The following CSMD1 variants were observed in gnomAD, a reference collection of about 807,000 sequenced individuals.
The protein encoded by CSMD1 is CUB and sushi domain-containing protein 1.
CSMD1 carries 213 observed loss-of-function variants against 417.5 expected under a neutral mutation model. The ratio of observed to expected loss-of-function variants is 0.51; its 90% CI spans 0.46 to 0.57. The LOEUF is 0.57. CSMD1 is among the 20% of genes least tolerant of loss of function. The probability of loss-of-function intolerance (pLI) is 0.00; values close to 1 mark genes in which losing one functional copy is unlikely to be tolerated. For missense variants in CSMD1, 6,923 were observed against 4,529.7 expected (o/e 1.53, Z -15.17); for synonymous variants, 2,862 against 1,736.8 (o/e 1.65, Z -16.11).
Position 3,941,132 on chromosome 8 carries a change from C to T in CSMD1, c.818+56771G>A, listed in dbSNP as rs149203000. On this transcript the variant is annotated intron_variant, in intron 5 of 69. Transcript: ENST00000635120. ...AAAATAAAAATAACTCATATGTATACAGTTAAGAAGAAATAAAAGCACATT... is the reference window on the plus strand; with the variant it reads ...AAAATAAAAATAACTCATATGTATATAGTTAAGAAGAAATAAAAGCACATT... Among the ~76,000 whole-genome samples the T allele has an allele frequency of 3.4e-3, 512 of 151,934 alleles. 2 individuals carry two copies. Among genetic ancestry groups the T allele is most frequent in the Non-Finnish European group, 4.4e-3 (300 of 67,894 alleles).
intron 2 of CSMD1, among the ~76,000 whole-genome samples, chr8:4,624,707 T>C (rs1801995180): frequency 6.6e-6 from 1 of 152,094 alleles, no homozygotes; most frequent in South Asian, 2.1e-4. Context: ...AAGAATGTAT[T>C]TTTCTATGAT....
intron 2 of CSMD1, among the ~76,000 whole-genome samples, chr8:4,566,279 T>A (rs73184937): frequency 1.3e-5 from 2 of 152,080 alleles, no homozygotes; most frequent in Non-Finnish European, 2.9e-5. Flanking sequence ...ATCTAGTAAG[T>A]TATTGACAAA....
At chr8:3,476,263 A>T (rs776540004) in intron 11 of CSMD1, among the ~76,000 whole-genome samples, 4 of 152,162 alleles carry the variant, frequency 2.6e-5, no homozygotes, top group African/African-American at 7.2e-5. Context: ...AACCCACTGA[A>T]ATTCCCATGT....
rs189481018 is a variant in CSMD1 at position 3,599,635 on chromosome 8, G to C, written c.1098-13375C>G. On this transcript the variant is annotated intron_variant, in intron 8 of 69. Coordinates refer to ENST00000635120, the MANE Select transcript of CSMD1 (RefSeq NM_033225.6). ...CTTCATGCTATACATCAGATCCCTA[G>C]GTTTATTCATCCTATGTAACTGCAG... Among the ~76,000 whole-genome samples, 44 of 152,244 alleles carry C rather than the reference G, an allele frequency of 2.9e-4. No individual in the cohort carries two copies. The East Asian group carries it at 5.4e-3, about 19-fold the overall frequency.
chr8:3,212,263 G>A (rs574475897), intron 30 of CSMD1, among the ~76,000 whole-genome samples: 6 of 152,146 alleles, frequency 3.9e-5, no homozygotes, highest in Admixed American at 2.0e-4. Context: ...CCCAAAGCAA[G>A]TAACACAATG....
rs11340375 is a variant in CSMD1, at chr8:4,221,378, G to GA, written c.416-189280dup. Among the ~76,000 whole-genome samples the GA allele has an allele frequency of 7.7e-3, 1,033 of 134,664 alleles. 5 individuals carry two copies. The highest frequency in any genetic ancestry group is 0.012 in the Middle Eastern group (3 of 256). The allele number at this position is 134,664 out of a possible 152,430, so 88.3% of individuals were successfully genotyped here. A position where few individuals can be genotyped will look rare whatever the true frequency, so the allele number is the denominator to read the frequency against. On this transcript the variant is annotated intron_variant, in intron 3 of 69. Coordinates refer to ENST00000635120, the MANE Select transcript of CSMD1 (RefSeq NM_033225.6). ...AAGCCCATCTCTACAAGGAAAGTGAGAAAAAAAAAAAAAAACAACACATTG... is the reference window on the plus strand; with the variant it reads ...AAGCCCATCTCTACAAGGAAAGTGAGAAAAAAAAAAAAAAAACAACACATTG...
chr8:3,439,410 C>A (rs1010623181), intron 12 of CSMD1, among the ~76,000 whole-genome samples: 2 of 142,652 alleles, frequency 1.4e-5, no homozygotes, highest in African/African-American at 2.7e-5. Context: ...AGGTGTTACA[C>A]AGTGTTCTAT....
At chr8:4,451,547 G>T (rs763882111) in intron 2 of CSMD1, among the ~76,000 whole-genome samples, 1 of 152,042 alleles carries the variant, frequency 6.6e-6, no homozygotes, top group East Asian at 1.9e-4. Flanking sequence ...CTCTGGAAAG[G>T]TAAAGGGTGA....
intron 4 of CSMD1, among the ~76,000 whole-genome samples, chr8:4,004,845 C>T (rs1012936666): frequency 3.9e-5 from 6 of 152,084 alleles, no homozygotes; most frequent in African/African-American, 9.6e-5. Context: ...CCCGGGTTCA[C>T]GCCATTCTCC....
At chr8:3,674,071 A>C (rs567294946) in intron 7 of CSMD1, among the ~76,000 whole-genome samples, 75 of 152,208 alleles carry the variant, frequency 4.9e-4, no homozygotes, top group Non-Finnish European at 9.1e-4. Context: ...ATGTCATTGC[A>C]CTCCAGCTTG....
intron 3 of CSMD1, among the ~76,000 whole-genome samples, chr8:4,267,667 C>A (rs1356662787): frequency 1.3e-5 from 2 of 151,998 alleles, no homozygotes; most frequent in Non-Finnish European, 2.9e-5. Context: ...CGTGTTTAGG[C>A]TTTGGCTTCA....
chr8:3,285,967 A>G lies in CSMD1; in HGVS notation c.3951-1621T>C, dbSNP rs534549110. 1.4e-4 allele frequency among the ~76,000 whole-genome samples: 21 copies of G among 152,132 alleles called. 2 individuals are homozygous for G. In the South Asian group the frequency reaches 4.4e-3, roughly 32 times the overall value. Reference sequence around the variant, plus strand: ...CATTTAACATTAGATAAATTTCCTAATGCTATCCCTCCCCACTTCCCACAA... The same window carrying G: ...CATTTAACATTAGATAAATTTCCTAGTGCTATCCCTCCCCACTTCCCACAA... On this transcript the variant is annotated intron_variant, in intron 25 of 69. Transcript: ENST00000635120.
At chr8:3,226,683 T>C (rs1482196740) in intron 27 of CSMD1, among the ~76,000 whole-genome samples, 1 of 151,274 alleles carries the variant, frequency 6.6e-6, no homozygotes, top group African/African-American at 2.4e-5. Context: ...ATGGTAGAAG[T>C]CATTTCGGAT....
chr8:3,383,544 C>T (rs1337813419), intron 18 of CSMD1, among the ~76,000 whole-genome samples: 1 of 151,664 alleles, frequency 6.6e-6, no homozygotes, highest in Non-Finnish European at 1.5e-5. Context: ...CTAGGAAAAC[C>T]TCATGCACGA....
At chr8:4,298,828 T>A (rs1464741851) in intron 3 of CSMD1, among the ~76,000 whole-genome samples, 1 of 152,158 alleles carries the variant, frequency 6.6e-6, no homozygotes, top group East Asian at 1.9e-4. Flanking sequence ...GAACTTAAAG[T>A]ATAATAAAAA....
intron 1 of CSMD1, among the ~76,000 whole-genome samples, chr8:4,740,309 T>G (rs879812520): frequency 3.3e-5 from 5 of 152,182 alleles, no homozygotes; most frequent in Non-Finnish European, 5.9e-5. Context: ...GGTCTTACAT[T>G]TTACTAATGT....
intron 2 of CSMD1, among the ~76,000 whole-genome samples, chr8:4,492,677 G>T (rs531243421): frequency 2.6e-5 from 4 of 152,266 alleles, no homozygotes; most frequent in African/African-American, 7.2e-5. Flanking sequence ...ACAACTGAAG[G>T]TAAAAGGATT....
At chr8:4,539,703 G>T (rs1797287156) in intron 2 of CSMD1, among the ~76,000 whole-genome samples, 1 of 152,132 alleles carries the variant, frequency 6.6e-6, no homozygotes, top group Non-Finnish European at 1.5e-5. Context: ...AAATATCCTA[G>T]CTCTATCCTT....
At chr8:4,201,582 A>G (rs1312020686) in intron 3 of CSMD1, among the ~76,000 whole-genome samples, 1 of 148,040 alleles carries the variant, frequency 6.8e-6, no homozygotes, top group Admixed American at 6.8e-5. Context: ...AAAAATCAGA[A>G]AACGATATGC....
Sources: gnomAD v4.1 joint callset for allele counts (sites outside exome capture counted in the v4.1 genomes callset) on GRCh38, gnomAD v4.1.1 for gene constraint, MANE v1.5 for transcripts, NCBI Gene and HGNC (gene_info 2026-07-23, HGNC 2026-07-21) for gene names.